Variants in GABRG3 observed in about 807,000 individuals in gnomAD.
GABRG3 encodes the protein gamma-aminobutyric acid receptor subunit gamma-3.
Under a neutral mutation model 48.8 loss-of-function variants are expected in GABRG3, and 25 were observed. The ratio of observed to expected loss-of-function variants is 0.51; its 90% CI spans 0.37 to 0.72. GABRG3 has a LOEUF of 0.72. Ranked by LOEUF, GABRG3 falls within the 30% of genes least tolerant of loss-of-function variation. The pLI, the probability that GABRG3 is intolerant of heterozygous loss-of-function variation, is 0.00. For missense variants in GABRG3, 394 were observed against 577.9 expected (o/e 0.68, Z 3.26); for synonymous variants, 227 against 217.6 (o/e 1.04, Z -0.38).
chr15:27,292,067 T>C (rs1021547523), intron 3 of GABRG3, among the ~76,000 whole-genome samples: 1 of 152,206 alleles, frequency 6.6e-6, no homozygotes, highest in African/African-American at 2.4e-5. Flanking sequence ...ATTAGTTTGC[T>C]GAGAATGATG....
intron 3 of GABRG3, among the ~76,000 whole-genome samples, chr15:27,243,319 G>A (rs1890183806): frequency 6.6e-6 from 1 of 152,178 alleles, no homozygotes; most frequent in Non-Finnish European, 1.5e-5. Flanking sequence ...TGTTATGTTT[G>A]ATTGGGAACT....
At chr15:27,389,295 GGTAA>G (rs2140574732) in intron 5 of GABRG3, among the ~76,000 whole-genome samples, 2 of 152,258 alleles carry the variant, frequency 1.3e-5, no homozygotes, top group East Asian at 3.9e-4. Context: ...AATATCCAGT[GGTAA>G]GTGTGTGTGG....
In GABRG3 at chr15:27,449,097, G is replaced by A. The variant is rs539590602; in HGVS notation, c.575-31553G>A. 1.8e-4 allele frequency among the ~76,000 whole-genome samples: 27 copies of A among 152,226 alleles called. No homozygotes were observed. The East Asian group carries it at 3.7e-3, about 21-fold the overall frequency. ...ACATGGTCTGACTTCCTTTCTTTTC[G>A]TGCTAATCCCTCATCCTTGCCCTGC... On this transcript the variant is annotated intron_variant, in intron 5 of 9. Coordinates refer to ENST00000615808, the MANE Select transcript of GABRG3 (RefSeq NM_033223.5).
chr15:27,053,147 AC>A (rs1462640305), intron 3 of GABRG3, among the ~76,000 whole-genome samples: 60 of 152,226 alleles, frequency 3.9e-4, no homozygotes, highest in African/African-American at 1.4e-3. Flanking sequence ...TGCAACAAAA[AC>A]AAAAATTGAC....
At position 27,146,084 on chromosome 15, in the gene GABRG3, A is replaced by G. The variant is rs995287280; in HGVS notation, c.270+119263A>G. On this transcript the variant is annotated intron_variant, in intron 3 of 9. Coordinates refer to ENST00000615808, the MANE Select transcript of GABRG3 (RefSeq NM_033223.5). The stretch of plus-strand genomic sequence containing the variant: ...AAAACAGAAAACGTATCACTAGCAG[A>G]CTTGCCTGCAAGAAATACTAAAGAG... Among the ~76,000 whole-genome samples, 35 of 152,172 alleles carry G rather than the reference A, an allele frequency of 2.3e-4. 1 individual carries two copies. The highest frequency in any genetic ancestry group is 1.3e-4 in the Admixed American group (2 of 15,268).
At chr15:27,284,237 A>G (rs556605644) in intron 3 of GABRG3, among the ~76,000 whole-genome samples, 6 of 152,210 alleles carry the variant, frequency 3.9e-5, no homozygotes, top group Non-Finnish European at 8.8e-5. Flanking sequence ...GCTTATTATA[A>G]AAGGTAAGTT....
At chr15:27,331,676 C>CT (rs1359815711) in intron 5 of GABRG3, among the ~76,000 whole-genome samples, 1 of 152,150 alleles carries the variant, frequency 6.6e-6, no homozygotes, top group Non-Finnish European at 1.5e-5. Flanking sequence ...ATGTACAACA[C>CT]TAAGAATGAA....
intron 3 of GABRG3, among the ~76,000 whole-genome samples, chr15:27,134,556 G>T (rs1270106674): frequency 6.6e-6 from 1 of 152,098 alleles, no homozygotes; most frequent in East Asian, 1.9e-4. Context: ...GAGGCCCTGT[G>T]GTCACCACAC....
At chr15:27,178,564 G>T (rs574849556) in intron 3 of GABRG3, among the ~76,000 whole-genome samples, 2 of 152,204 alleles carry the variant, frequency 1.3e-5, no homozygotes, top group African/African-American at 4.8e-5. Flanking sequence ...TAGGAGAAAA[G>T]ACATACACAT....
At chr15:27,181,940 A>T (rs1887944811) in intron 3 of GABRG3, among the ~76,000 whole-genome samples, 1 of 151,234 alleles carries the variant, frequency 6.6e-6, no homozygotes, top group Non-Finnish European at 1.5e-5. Flanking sequence ...GTAACATAGC[A>T]TTTCTACTAT....
intron 9 of GABRG3, among the ~76,000 whole-genome samples, chr15:27,528,854 A>G (rs1400758575): frequency 2.0e-5 from 3 of 152,010 alleles, no homozygotes; most frequent in African/African-American, 7.2e-5. Flanking sequence ...TATAAAATAT[A>G]TAATTTATAT....
At chr15:27,217,416 C>T (rs1346792341) in intron 3 of GABRG3, among the ~76,000 whole-genome samples, 2 of 152,176 alleles carry the variant, frequency 1.3e-5, no homozygotes, top group Non-Finnish European at 2.9e-5. Context: ...TTTCTTTTCA[C>T]CCACCAGTGG....
intron 3 of GABRG3, among the ~76,000 whole-genome samples, chr15:27,167,201 G>T (rs1595562870): frequency 6.6e-6 from 1 of 152,260 alleles, no homozygotes; most frequent in African/African-American, 2.4e-5. Context: ...CATGCCCGAG[G>T]TCCCCTGGGC....
rs752244683 is a variant in GABRG3, at chr15:27,367,093, C to T, written c.574+38205C>T. ...AAGCATCCTCACATCCACTGCTTTC[C>T]GCAGGTCTCCCTGACTAGCCAGGAC... On this transcript the variant is annotated intron_variant, in intron 5 of 9. Coordinates refer to ENST00000615808, the MANE Select transcript of GABRG3 (RefSeq NM_033223.5). Among the ~76,000 whole-genome samples the T allele has an allele frequency of 1.2e-4, 19 of 152,238 alleles. No individual in the cohort carries two copies. In the East Asian group the frequency reaches 3.5e-3, roughly 28 times the overall value.
In GABRG3 at chr15:27,222,581, GTC is replaced by G. The variant is rs1167306898; in HGVS notation, c.271-104223_271-104222del. 2.6e-5 allele frequency among the ~76,000 whole-genome samples: 4 copies of G among 152,284 alleles called. No individual in the cohort carries two copies. In the East Asian group the frequency reaches 7.7e-4, roughly 29 times the overall value. Reference sequence around the variant, plus strand: ...CATATTGCAGGAACTTAGTCACTTAGTCTCTCAGTGTAAACAATGACCTAAGA... The same window carrying G: ...CATATTGCAGGAACTTAGTCACTTAGTCTCAGTGTAAACAATGACCTAAGA... On this transcript the variant is annotated intron_variant, in intron 3 of 9. Transcript: ENST00000615808.
intron 3 of GABRG3, among the ~76,000 whole-genome samples, chr15:27,186,708 C>G (rs2140419777): frequency 6.6e-6 from 1 of 152,208 alleles, no homozygotes; most frequent in East Asian, 1.9e-4. Flanking sequence ...TCTGATTGTT[C>G]TGAGATAGTA....
chr15:27,140,993 C>T (rs989267607), intron 3 of GABRG3, among the ~76,000 whole-genome samples: 3 of 152,124 alleles, frequency 2.0e-5, no homozygotes, highest in African/African-American at 7.2e-5. Flanking sequence ...CCAAAATTGT[C>T]AGCCTTTGTG....
rs775509277 is a variant in GABRG3 at position 27,261,475 on chromosome 15, G to A, written c.271-65334G>A. Among the ~76,000 whole-genome samples, 34 of 150,986 alleles carry A rather than the reference G, an allele frequency of 2.3e-4. 1 individual carries two copies. Among genetic ancestry groups the A allele is most frequent in the Middle Eastern group, 7.1e-3 (2 of 280 alleles). On this transcript the variant is annotated intron_variant, in intron 3 of 9. Transcript: ENST00000615808. Reference sequence around the variant, plus strand: ...GATTCGGGTTGGTGAGATGGGCAGGGGTGCTGTTAATCCCCATCACACACC... The same window carrying A: ...GATTCGGGTTGGTGAGATGGGCAGGAGTGCTGTTAATCCCCATCACACACC...
At chr15:27,104,503 A>T (rs527938834) in intron 3 of GABRG3, among the ~76,000 whole-genome samples, 2 of 152,158 alleles carry the variant, frequency 1.3e-5, no homozygotes, top group South Asian at 2.1e-4. Context: ...CTGTTCTCTC[A>T]TTCACTCACT....
Sources: allele counts gnomAD v4.1 joint callset (sites outside exome capture counted in the v4.1 genomes callset), GRCh38; gene constraint gnomAD v4.1.1; transcripts MANE v1.5; gene names NCBI Gene and HGNC (gene_info 2026-07-23, HGNC 2026-07-21).